SNTB1: variants seen among roughly 807,000 people sequenced by gnomAD.
SNTB1 encodes the protein syntrophin beta 1.
In SNTB1, 36 loss-of-function variants were observed where a neutral mutation model predicts 48.9. The ratio of observed to expected loss-of-function variants is 0.74; its 90% confidence interval spans 0.56 to 0.97. The LOEUF (loss-of-function observed/expected upper bound fraction) is 0.97. SNTB1 is among the 50% of genes least tolerant of loss of function. The pLI is 0.00. For missense variants in SNTB1, 786 were observed against 703.4 expected, an observed-to-expected ratio of 1.12 and a Z score of -1.33; for synonymous variants, 299 against 294.6, an observed-to-expected ratio of 1.01 and a Z score of -0.15.
intron 3 of SNTB1, among the ~76,000 whole-genome samples, chr8:120,581,082 C>T (rs1347153620): frequency 7.7e-6 from 1 of 129,726 alleles, no homozygotes; most frequent in African/African-American, 3.1e-5. Flanking sequence ...GAGTGAGACC[C>T]TGTCTCAAAA....
chr8:120,696,222 G>A (rs961880773), intron 1 of SNTB1, among the ~76,000 whole-genome samples: 1 of 152,216 alleles, frequency 6.6e-6, no homozygotes, highest in African/African-American at 2.4e-5. Flanking sequence ...CTTCTGAGTG[G>A]AGTAGGGATG....
At chr8:120,751,757 G>C (rs1303679197) in intron 1 of SNTB1, among the ~76,000 whole-genome samples, 1 of 152,080 alleles carries the variant, frequency 6.6e-6, no homozygotes, top group Non-Finnish European at 1.5e-5. Context: ...TCTGCAAAAT[G>C]GTGATAACAA....
At chr8:120,575,277 T>G (rs1196603190) in intron 3 of SNTB1, 52 bp from the exon 4 acceptor site, 2 of 1,610,114 alleles carry the variant, frequency 1.2e-6, no homozygotes, top group Admixed American at 1.7e-5. Flanking sequence ...AAAGGATGAT[T>G]ATGAGAAGTT....
Position 120,640,052 on chromosome 8 carries a change from C to A in SNTB1, c.789-7401G>T, listed in dbSNP as rs865888528. On this transcript the variant is annotated intron_variant, in intron 2 of 6. Transcript: ENST00000517992. Reference sequence around the variant, plus strand: ...ATTTGTTTGTATCCTCTTTTATTTCCTTGAGCAGTGGTTTGTAGTTCTCCT... The same window carrying A: ...ATTTGTTTGTATCCTCTTTTATTTCATTGAGCAGTGGTTTGTAGTTCTCCT... Among the ~76,000 whole-genome samples the A allele has an allele frequency of 4.2e-4, 63 of 150,618 alleles. No individual in the cohort carries two copies. In the South Asian group the frequency reaches 9.1e-3, roughly 22 times the overall value.
intron 2 of SNTB1, among the ~76,000 whole-genome samples, chr8:120,662,539 G>A (rs1240381645): frequency 6.6e-6 from 1 of 152,172 alleles, no homozygotes; most frequent in Non-Finnish European, 1.5e-5. Flanking sequence ...TGGCATCAAG[G>A]TGCATGGGGT....
intron 1 of SNTB1, among the ~76,000 whole-genome samples, chr8:120,777,977 ACTCC>A (rs1410120971): frequency 6.6e-6 from 1 of 152,072 alleles, no homozygotes; most frequent in Non-Finnish European, 1.5e-5. Context: ...CTCTGAACTC[ACTCC>A]CTTTCTCCAG....
intron 1 of SNTB1, among the ~76,000 whole-genome samples, chr8:120,697,928 A>T (rs1455017520): frequency 6.6e-6 from 1 of 152,260 alleles, no homozygotes; most frequent in African/African-American, 2.4e-5. Context: ...AGCTGTAGAT[A>T]AGAAATTTTA....
intron 1 of SNTB1, among the ~76,000 whole-genome samples, chr8:120,764,355 C>T (rs140540528): frequency 5.8e-4 from 89 of 152,186 alleles, no homozygotes; most frequent in African/African-American, 2.0e-3. Flanking sequence ...ATGTCTGATA[C>T]GGTCTCATTT....
intron 1 of SNTB1, among the ~76,000 whole-genome samples, chr8:120,731,770 G>A (rs1229978998): frequency 2.0e-5 from 3 of 152,136 alleles, no homozygotes; most frequent in South Asian, 2.1e-4. Flanking sequence ...GGCAGAACTC[G>A]TTCCTCTCTA....
At chr8:120,783,536 A>AT (rs1819865445) in intron 1 of SNTB1, among the ~76,000 whole-genome samples, 1 of 152,220 alleles carries the variant, frequency 6.6e-6, no homozygotes, top group Admixed American at 6.5e-5. Flanking sequence ...TTTTCTCCTT[A>AT]TTTTTCATCT....
chr8:120,782,479 A>G (rs1291738298), intron 1 of SNTB1, among the ~76,000 whole-genome samples: 1 of 152,186 alleles, frequency 6.6e-6, no homozygotes, highest in African/African-American at 2.4e-5. Context: ...TATTGGTTAG[A>G]GATTTCCTGC....
intron 5 of SNTB1, among the ~76,000 whole-genome samples, chr8:120,545,203 G>C (rs1815360684): frequency 6.6e-6 from 1 of 152,136 alleles, no homozygotes; most frequent in Non-Finnish European, 1.5e-5. Flanking sequence ...AATTAGCCAG[G>C]CATGGTGGCA....
At chr8:120,722,846 G>A (rs1042753405) in intron 1 of SNTB1, among the ~76,000 whole-genome samples, 41 of 152,134 alleles carry the variant, frequency 2.7e-4, no homozygotes, top group African/African-American at 8.7e-4. Flanking sequence ...GTATTGCCTA[G>A]GTTTTCTTCT....
At chr8:120,549,080 C>T in intron 4 of SNTB1, 122 bp from the exon 5 acceptor site, 2 of 728,378 alleles carry the variant, frequency 2.7e-6, no homozygotes, top group Non-Finnish European at 4.4e-6. Context: ...AATCAAAGGG[C>T]TCCACTATAC....
At chr8:120,783,990 T>G (rs569336540) in intron 1 of SNTB1, among the ~76,000 whole-genome samples, 8 of 152,066 alleles carry the variant, frequency 5.3e-5, no homozygotes, top group Admixed American at 4.6e-4. Context: ...CCAGTTTTGT[T>G]TTGTTTTGTT....
At position 120,573,977 on chromosome 8, in the gene SNTB1, G is replaced by A. The variant is rs145098512; in HGVS notation, c.1136+1109C>T. Among the ~76,000 whole-genome samples, 1,040 of 152,224 alleles carry A rather than the reference G, an allele frequency of 6.8e-3. 12 individuals carry two copies. The highest frequency in any genetic ancestry group is 0.022 in the African/African-American group (925 of 41,528). ...GGAAGTGTGATGCCTCTAAAGGTCC[G>A]TCTATAGATGAACGGATAAAGAAAG... On this transcript the variant is annotated intron_variant, in intron 4 of 6. Coordinates refer to ENST00000517992, the MANE Select transcript of SNTB1 (RefSeq NM_021021.4).
intron 1 of SNTB1, among the ~76,000 whole-genome samples, chr8:120,731,986 C>A (rs1486915701): frequency 6.6e-6 from 1 of 152,096 alleles, no homozygotes; most frequent in Non-Finnish European, 1.5e-5. Context: ...AGCAGTGTTT[C>A]AAAACTGGAG....
intron 1 of SNTB1, among the ~76,000 whole-genome samples, chr8:120,730,582 A>G (rs934873354): frequency 1.3e-5 from 2 of 152,210 alleles, no homozygotes; most frequent in Non-Finnish European, 2.9e-5. Flanking sequence ...AAATGAAAGC[A>G]TTACACCTTC....
chr8:120,624,200 C>A (rs4313196), intron 3 of SNTB1, among the ~76,000 whole-genome samples: 104,783 of 151,982 alleles, frequency 0.69, 36,339 homozygotes, highest in East Asian at 0.76. Flanking sequence ...AGCCTCCCAA[C>A]ATGCTGGGAT....
Sources: allele counts gnomAD v4.1 joint callset (sites outside exome capture counted in the v4.1 genomes callset), GRCh38; gene constraint gnomAD v4.1.1; transcripts MANE v1.5; gene names NCBI Gene and HGNC (gene_info 2026-07-23, HGNC 2026-07-21).